Variants in SGCD observed in about 807,000 individuals in gnomAD.
The protein encoded by SGCD is delta-sarcoglycan.
SGCD carries 18 observed loss-of-function variants against 36.6 expected under a neutral mutation model. The ratio of observed to expected loss-of-function variants is 0.49; its 90% CI spans 0.34 to 0.73. SGCD has a LOEUF of 0.73. Ranked by LOEUF, SGCD falls within the 30% of genes least tolerant of loss-of-function variation. The probability of loss-of-function intolerance (pLI) is 0.01; values close to 1 mark genes in which losing one functional copy is unlikely to be tolerated. For missense variants in SGCD, 387 were observed against 346.7 expected (o/e 1.12, Z -0.92); for synonymous variants, 133 against 130.6 (o/e 1.02, Z -0.12).
intron 1 of SGCD, among the ~76,000 whole-genome samples, chr5:155,966,837 T>C (rs1332035521): frequency 2.0e-5 from 3 of 152,106 alleles, no homozygotes; most frequent in Admixed American, 2.0e-4. Context: ...ATGAACTTCG[T>C]ATGGTTCCAT....
chr5:156,059,628 T>TA (rs59005460), intron 1 of SGCD, among the ~76,000 whole-genome samples: 18,781 of 146,066 alleles, frequency 0.13, 4,365 homozygotes, highest in African/African-American at 0.41. Flanking sequence ...GTGGCAGTCC[T>TA]GCTCTGTGAC....
At chr5:156,421,782 TACTC>T (rs1238771525) in intron 3 of SGCD, among the ~76,000 whole-genome samples, 2 of 152,078 alleles carry the variant, frequency 1.3e-5, no homozygotes, top group Non-Finnish European at 2.9e-5. Context: ...TTCCTTCACT[TACTC>T]TTTATTGCCT....
At chr5:155,973,808 C>T (rs1758052352) in intron 1 of SGCD, among the ~76,000 whole-genome samples, 1 of 152,122 alleles carries the variant, frequency 6.6e-6, no homozygotes, top group Non-Finnish European at 1.5e-5. Flanking sequence ...GGGGAGAGTG[C>T]TTGCAACTGC....
intron 7 of SGCD, among the ~76,000 whole-genome samples, chr5:156,696,749 A>G (rs950628551): frequency 1.3e-5 from 2 of 152,102 alleles, no homozygotes; most frequent in African/African-American, 4.8e-5. Context: ...GCCTCAAGTG[A>G]TCTTCCTGCC....
At chr5:156,057,766 C>T (rs1760097562) in intron 1 of SGCD, among the ~76,000 whole-genome samples, 1 of 145,632 alleles carries the variant, frequency 6.9e-6, no homozygotes, top group African/African-American at 2.5e-5. Context: ...TGGGCACTAA[C>T]AAATATAATG....
intron 3 of SGCD, among the ~76,000 whole-genome samples, chr5:156,126,881 C>A (rs763297266): frequency 2.6e-5 from 4 of 152,202 alleles, no homozygotes; most frequent in Non-Finnish European, 4.4e-5. Flanking sequence ...CATGCAAATT[C>A]TTCATTTCCC....
chr5:156,500,305 G>A (rs1025235679), intron 3 of SGCD, among the ~76,000 whole-genome samples: 2 of 152,128 alleles, frequency 1.3e-5, no homozygotes, highest in Non-Finnish European at 2.9e-5. Context: ...TAATTGCCAA[G>A]CCATTTTTTA....
chr5:156,734,249 C>CTGTT (rs1394184730), intron 7 of SGCD, among the ~76,000 whole-genome samples: 3 of 151,814 alleles, frequency 2.0e-5, no homozygotes, highest in Non-Finnish European at 4.4e-5. Flanking sequence ...GAAAGGTCTT[C>CTGTT]TGTTAGTCTG....
chr5:156,232,063 AG>A (rs1450077441), intron 3 of SGCD, among the ~76,000 whole-genome samples: 1 of 152,228 alleles, frequency 6.6e-6, no homozygotes, highest in African/African-American at 2.4e-5. Context: ...TAATAACAGT[AG>A]GCTGAGTAAT....
At chr5:155,999,802 A>G (rs1019432810) in intron 1 of SGCD, among the ~76,000 whole-genome samples, 9 of 152,230 alleles carry the variant, frequency 5.9e-5, no homozygotes, top group Admixed American at 1.3e-4. Flanking sequence ...ATAAAATAAC[A>G]TGATACCAAC....
intron 3 of SGCD, among the ~76,000 whole-genome samples, chr5:156,459,354 C>A (rs1049907508): frequency 1.3e-5 from 2 of 152,152 alleles, no homozygotes; most frequent in African/African-American, 4.8e-5. Context: ...GTCATTAAAT[C>A]CTTAAAACAG....
chr5:155,989,812 T>G (rs556982060), intron 1 of SGCD, among the ~76,000 whole-genome samples: 1 of 152,348 alleles, frequency 6.6e-6, no homozygotes, highest in South Asian at 2.1e-4. Flanking sequence ...ACTGTGTGTT[T>G]TCTTCATCTC....
At chr5:155,887,980 G>A (rs1428233529) in intron 1 of SGCD, among the ~76,000 whole-genome samples, 1 of 152,174 alleles carries the variant, frequency 6.6e-6, no homozygotes, top group African/African-American at 2.4e-5. Context: ...TCAGAGAGAT[G>A]AGGTAACATC....
the SGCD span, among the ~76,000 whole-genome samples, chr5:155,829,989 TGTA>T: frequency 6.6e-6 from 1 of 152,212 alleles, no homozygotes; most frequent in African/African-American, 2.4e-5. Flanking sequence ...AGTAACAATA[TGTA>T]GTAGAAAATG....
At chr5:156,356,770 T>A (rs911394230) in intron 3 of SGCD, among the ~76,000 whole-genome samples, 1 of 152,200 alleles carries the variant, frequency 6.6e-6, no homozygotes. Context: ...GATGAGGAGA[T>A]AATTCCTGGA....
chr5:156,708,328 T>G (rs1188269749), intron 7 of SGCD, among the ~76,000 whole-genome samples: 2 of 152,062 alleles, frequency 1.3e-5, no homozygotes, highest in South Asian at 2.1e-4. Context: ...TGTCCATGAC[T>G]AAATTTTTGA....
At chr5:156,035,849 AT>A (rs1759483424) in intron 1 of SGCD, among the ~76,000 whole-genome samples, 1 of 152,230 alleles carries the variant, frequency 6.6e-6, no homozygotes, top group East Asian at 1.9e-4. Context: ...GAAGCGTAGC[AT>A]TTTGGTGAGC....
the SGCD span, among the ~76,000 whole-genome samples, chr5:155,846,295 A>G: frequency 2.0e-4 from 30 of 152,342 alleles, no homozygotes; most frequent in African/African-American, 6.7e-4. Context: ...CTTACTGCCC[A>G]TATAGCTGGA....
chr5:156,122,082 A>T (rs887903171), intron 2 of SGCD, among the ~76,000 whole-genome samples: 1 of 152,206 alleles, frequency 6.6e-6, no homozygotes, highest in Non-Finnish European at 1.5e-5. Context: ...GAAGACATTC[A>T]TCTAGTCAGT....
Sources: allele counts gnomAD v4.1 joint callset (sites outside exome capture counted in the v4.1 genomes callset), GRCh38; gene constraint gnomAD v4.1.1; transcripts MANE v1.5; gene names NCBI Gene and HGNC (gene_info 2026-07-23, HGNC 2026-07-21).